Variants in CCDC83 observed in about 807,000 individuals in gnomAD.
CCDC83 encodes the protein coiled-coil domain-containing protein 83.
A neutral mutation model predicts 50.1 loss-of-function variants in CCDC83; 54 were observed. The ratio of observed to expected loss-of-function variants is 1.08; its 90% CI spans 0.87 to 1.35. The LOEUF is 1.35. CCDC83 is among the 40% of genes most tolerant of loss of function. The probability of loss-of-function intolerance (pLI) is 0.00; values close to 1 mark genes in which losing one functional copy is unlikely to be tolerated. For synonymous variants in CCDC83, 161 were observed against 153.3 expected (o/e 1.05, Z -0.37); for missense variants, 518 against 473.9 (o/e 1.09, Z -0.86).
intron 3 of CCDC83, among the ~76,000 whole-genome samples, chr11:85,877,335 A>G (rs1029418305): frequency 6.6e-6 from 1 of 152,104 alleles, no homozygotes; most frequent in Non-Finnish European, 1.5e-5. Context: ...AGCCAGGTGC[A>G]GTGGTGTGCA....
intron 2 of CCDC83, among the ~76,000 whole-genome samples, chr11:85,865,662 C>G (rs1045471606): frequency 4.6e-5 from 7 of 151,958 alleles, no homozygotes; most frequent in Admixed American, 2.0e-4. Context: ...CCAAAGCAGG[C>G]GGATCACCTG....
intron 3 of CCDC83, among the ~76,000 whole-genome samples, chr11:85,878,556 G>A (rs537498488): frequency 3.3e-5 from 5 of 152,228 alleles, no homozygotes; most frequent in Non-Finnish European, 5.9e-5. Flanking sequence ...TGGTGGGGAT[G>A]TACCAGTTTG....
intron 5 of CCDC83, among the ~76,000 whole-genome samples, chr11:85,893,515 G>A (rs1390398349): frequency 1.3e-5 from 2 of 152,184 alleles, no homozygotes; most frequent in Non-Finnish European, 2.9e-5. Context: ...AACGCCCTAA[G>A]TCAGGGGTTC....
intron 5 of CCDC83, among the ~76,000 whole-genome samples, chr11:85,888,727 TTG>T (rs2135057149): frequency 6.6e-6 from 1 of 152,338 alleles, no homozygotes; most frequent in Admixed American, 6.5e-5. Context: ...GTCTTTGTTT[TTG>T]TGTGAGAGAG....
chr11:85,906,980 T>C (rs921663940), intron 7 of CCDC83, among the ~76,000 whole-genome samples: 1 of 145,996 alleles, frequency 6.8e-6, no homozygotes, highest in African/African-American at 2.4e-5. Flanking sequence ...TTTTAATAAA[T>C]ATTCATTTTT....
At chr11:85,881,688 G>C (rs2093301362) in intron 3 of CCDC83, among the ~76,000 whole-genome samples, 1 of 152,138 alleles carries the variant, frequency 6.6e-6, no homozygotes. Context: ...CAAAGCACTG[G>C]AATTACAGGC....
In CCDC83 at chr11:85,919,514, G is replaced by A. The variant is rs185817115; in HGVS notation, c.*4G>A. On this transcript the variant is annotated 3_prime_UTR_variant, in exon 11 of 11. Transcript: ENST00000342404. ...GATGATGAAGTCTTTTCTCTAAGACGGAAAGCTGCAAAGGAAACACAACTT... is the reference window on the plus strand; with the variant it reads ...GATGATGAAGTCTTTTCTCTAAGACAGAAAGCTGCAAAGGAAACACAACTT... 4,650 of 1,598,470 alleles carry A rather than the reference G, an allele frequency of 2.9e-3. 12 individuals carry two copies. Among genetic ancestry groups the A allele is most frequent in the Non-Finnish European group, 3.6e-3 (4,267 of 1,172,112 alleles).
chr11:85,872,016 G>A (rs1280022962), intron 2 of CCDC83, among the ~76,000 whole-genome samples: 1 of 152,144 alleles, frequency 6.6e-6, no homozygotes, highest in Non-Finnish European at 1.5e-5. Context: ...GCAGTGGCAT[G>A]ATCTTGGTTT....
intron 1 of CCDC83, among the ~76,000 whole-genome samples, chr11:85,856,269 G>C (rs1038874402): frequency 3.3e-5 from 5 of 151,604 alleles, no homozygotes; most frequent in Non-Finnish European, 7.4e-5. Flanking sequence ...CAGTCTATGT[G>C]ATAATTGCTC....
At chr11:85,905,224 C>G (rs2093419563) in intron 7 of CCDC83, among the ~76,000 whole-genome samples, 1 of 151,604 alleles carries the variant, frequency 6.6e-6, no homozygotes, top group Non-Finnish European at 1.5e-5. Flanking sequence ...GAGAGGATCA[C>G]CTGAAGTCAA....
chr11:85,857,517 G>C (rs1353114289), intron 1 of CCDC83, among the ~76,000 whole-genome samples: 1 of 152,212 alleles, frequency 6.6e-6, no homozygotes, highest in South Asian at 2.1e-4. Context: ...AGTACCCACA[G>C]CTCTTGTCGG....
chr11:85,877,212 G>A (rs1484295149), intron 3 of CCDC83, among the ~76,000 whole-genome samples: 1 of 152,198 alleles, frequency 6.6e-6, no homozygotes, highest in African/African-American at 2.4e-5. Context: ...GCTCATGCCT[G>A]TAATCCCAAC....
chr11:85,901,403 T>A (rs140403422), intron 7 of CCDC83, among the ~76,000 whole-genome samples: 8 of 151,660 alleles, frequency 5.3e-5, no homozygotes, highest in Admixed American at 5.3e-4. Flanking sequence ...TGAAACCCCA[T>A]CTATACAAAA....
intron 6 of CCDC83, among the ~76,000 whole-genome samples, chr11:85,895,669 A>T (rs2093371090): frequency 6.6e-6 from 1 of 152,174 alleles, no homozygotes; most frequent in South Asian, 2.1e-4. Context: ...CTGTATAATG[A>T]ATTTGTTACT....
intron 5 of CCDC83, among the ~76,000 whole-genome samples, chr11:85,892,821 T>A (rs1030522847): frequency 6.6e-6 from 1 of 152,200 alleles, no homozygotes; most frequent in South Asian, 2.1e-4. Context: ...AAAATATTCA[T>A]GAGATTAGTT....
chr11:85,864,942 G>A (rs1215312623), intron 1 of CCDC83, among the ~76,000 whole-genome samples, 154 bp from the exon 2 acceptor site: 2 of 152,194 alleles, frequency 1.3e-5, no homozygotes, highest in East Asian at 3.8e-4. Context: ...ATTTCATGAT[G>A]TTCCACCATT....
intron 3 of CCDC83, among the ~76,000 whole-genome samples, chr11:85,879,280 T>C (rs1237241609): frequency 1.3e-5 from 2 of 152,240 alleles, no homozygotes; most frequent in Non-Finnish European, 2.9e-5. Context: ...ATTTAAATCA[T>C]GGTCCATTTT....
chr11:85,875,074 G>A (rs1218101867), intron 3 of CCDC83, among the ~76,000 whole-genome samples: 1 of 152,204 alleles, frequency 6.6e-6, no homozygotes, highest in African/African-American at 2.4e-5. Flanking sequence ...GGATGCAGGG[G>A]TGGTCCCCCT....
chr11:85,882,953 A>G (rs2093308770), intron 4 of CCDC83, among the ~76,000 whole-genome samples: 1 of 151,898 alleles, frequency 6.6e-6, no homozygotes, highest in South Asian at 2.1e-4. Context: ...GGTGTAGTTC[A>G]GTCACCCAGG....
Sources: gnomAD v4.1 joint callset for allele counts (sites outside exome capture counted in the v4.1 genomes callset) on GRCh38, gnomAD v4.1.1 for gene constraint, MANE v1.5 for transcripts, NCBI Gene and HGNC (gene_info 2026-07-23, HGNC 2026-07-21) for gene names.